Variants in SH3PXD2B observed in about 807,000 individuals in gnomAD.
SH3PXD2B encodes SH3 and PX domains 2B.
SH3PXD2B carries 37 observed loss-of-function variants against 73.1 expected under a neutral mutation model. That is an observed-to-expected ratio of 0.51 (90% CI 0.39 to 0.67). SH3PXD2B has a LOEUF of 0.67. SH3PXD2B is among the 30% of genes least tolerant of loss of function. The probability of loss-of-function intolerance (pLI) is 0.00; values close to 1 mark genes in which losing one functional copy is unlikely to be tolerated. For missense variants in SH3PXD2B, 1,053 were observed against 1,197.8 expected (o/e 0.88, Z 1.78); for synonymous variants, 457 against 480.5 (o/e 0.95, Z 0.64).
At chr5:172,401,745 A>C (rs1294084589) in intron 3 of SH3PXD2B, among the ~76,000 whole-genome samples, 3 of 152,238 alleles carry the variant, frequency 2.0e-5, no homozygotes, top group African/African-American at 7.2e-5. Context: ...CTTTACTGCA[A>C]TCTCTGAACA....
intron 1 of SH3PXD2B, among the ~76,000 whole-genome samples, chr5:172,427,330 G>A (rs995327026): frequency 1.9e-4 from 29 of 152,196 alleles, no homozygotes; most frequent in African/African-American, 7.0e-4. Flanking sequence ...TGCCAGAATG[G>A]GTAGAATGGG....
intron 1 of SH3PXD2B, among the ~76,000 whole-genome samples, chr5:172,444,847 T>G (rs1261240986): frequency 6.6e-6 from 1 of 152,156 alleles, no homozygotes; most frequent in East Asian, 1.9e-4. Flanking sequence ...AGCCCTGGCC[T>G]CAGCCTTCGT....
intron 1 of SH3PXD2B, among the ~76,000 whole-genome samples, chr5:172,427,631 G>A (rs886937944): frequency 1.1e-4 from 17 of 152,080 alleles, no homozygotes; most frequent in Admixed American, 8.5e-4. Flanking sequence ...GATTACAGCC[G>A]TGAGCCACCA....
intron 4 of SH3PXD2B, among the ~76,000 whole-genome samples, chr5:172,389,963 C>T (rs1373640109): frequency 6.6e-6 from 1 of 152,134 alleles, no homozygotes; most frequent in South Asian, 2.1e-4. Flanking sequence ...AGCAGTCTTC[C>T]CACCTTAGCC....
intron 12 of SH3PXD2B, among the ~76,000 whole-genome samples, chr5:172,343,844 A>G (rs1465437560): frequency 6.6e-6 from 1 of 151,462 alleles, no homozygotes; most frequent in Non-Finnish European, 1.5e-5. Flanking sequence ...GGGGAAAGAA[A>G]AGAGTGTGGG....
intron 6 of SH3PXD2B, among the ~76,000 whole-genome samples, chr5:172,365,344 G>A (rs1337513470): frequency 6.6e-6 from 1 of 152,210 alleles, no homozygotes; most frequent in Non-Finnish European, 1.5e-5. Flanking sequence ...GCTCAGAGAT[G>A]TTAAGTGACT....
chr5:172,358,346 C>A (rs1757325265), intron 8 of SH3PXD2B, among the ~76,000 whole-genome samples: 1 of 152,186 alleles, frequency 6.6e-6, no homozygotes, highest in Non-Finnish European at 1.5e-5. Context: ...GGAGGGGGAC[C>A]CCTGGTCAGG....
chr5:172,341,969 A>G (rs1756862356), intron 12 of SH3PXD2B, among the ~76,000 whole-genome samples: 1 of 152,026 alleles, frequency 6.6e-6, no homozygotes, highest in African/African-American at 2.4e-5. Flanking sequence ...GTATTTCTTT[A>G]TAGCAATGCA....
rs1310579704 is a variant in SH3PXD2B, at chr5:172,333,529, CTTTT to C, written c.*4836_*4839del. On this transcript the variant is annotated 3_prime_UTR_variant, in exon 13 of 13. Coordinates refer to ENST00000311601, the MANE Select transcript of SH3PXD2B (RefSeq NM_001017995.3). ...GATGAAGCTTGAAACCAGTCAAGCA[CTTTT>C]TTTATTTAAAAAAAAAAAAAGGAAA... 3.8e-4 allele frequency: 431 copies of C among 1,139,410 alleles called. 2 individuals carry two copies. The African/African-American group carries it at 7.5e-3, about 20-fold the overall frequency. The allele number at this position is 1,139,410 out of a possible 1,614,324, so 70.6% of individuals were successfully genotyped here. A position where few individuals can be genotyped will look rare whatever the true frequency, so the allele number is the denominator to read the frequency against.
intron 10 of SH3PXD2B, among the ~76,000 whole-genome samples, chr5:172,348,657 ATCTATCTATCT>A (rs1757063395): frequency 2.7e-5 from 1 of 37,426 alleles, no homozygotes; most frequent in African/African-American, 8.0e-5. Context: ...TATCTATCCT[ATCTATCTATCT>A]ATCTATCTAT....
intron 1 of SH3PXD2B, among the ~76,000 whole-genome samples, chr5:172,446,443 T>A (rs761951877): frequency 6.6e-6 from 1 of 152,168 alleles, no homozygotes; most frequent in Non-Finnish European, 1.5e-5. Flanking sequence ...ACAGCTGGCT[T>A]CATCGCCAAG....
intron 6 of SH3PXD2B, among the ~76,000 whole-genome samples, chr5:172,369,495 C>T (rs112526452): frequency 6.5e-4 from 99 of 152,138 alleles, no homozygotes; most frequent in Non-Finnish European, 1.1e-3. Flanking sequence ...CTTTGCCGGG[C>T]GCAGTGGCTC....
chr5:172,344,829 T>C (rs1033558443), intron 12 of SH3PXD2B, among the ~76,000 whole-genome samples: 5 of 152,108 alleles, frequency 3.3e-5, no homozygotes, highest in African/African-American at 9.7e-5. Flanking sequence ...GATGCAGAAC[T>C]AGCCTCTCGA....
intron 6 of SH3PXD2B, among the ~76,000 whole-genome samples, chr5:172,370,910 C>T (rs771987234): frequency 3.9e-5 from 6 of 152,176 alleles, no homozygotes; most frequent in East Asian, 3.9e-4. Flanking sequence ...CTAAATGTTG[C>T]GGCAGGCAAC....
intron 8 of SH3PXD2B, among the ~76,000 whole-genome samples, chr5:172,354,644 A>T (rs1757232693): frequency 6.6e-6 from 1 of 152,276 alleles, no homozygotes; most frequent in South Asian, 2.1e-4. Context: ...GAGAAGCTGA[A>T]CTTTGGCAGT....
At chr5:172,448,554 C>T (rs1389127591) in intron 1 of SH3PXD2B, among the ~76,000 whole-genome samples, 3 of 152,194 alleles carry the variant, frequency 2.0e-5, no homozygotes, top group African/African-American at 7.2e-5. Flanking sequence ...AAGGTCACCC[C>T]GCTCAGGAGC....
At chr5:172,449,509 T>C (rs1478505851) in intron 1 of SH3PXD2B, among the ~76,000 whole-genome samples, 1 of 152,120 alleles carries the variant, frequency 6.6e-6, no homozygotes, top group Non-Finnish European at 1.5e-5. Flanking sequence ...AGGATTAGTA[T>C]CCCAAATGTA....
In SH3PXD2B at chr5:172,343,553, C is replaced by T. The variant is rs558469931; in HGVS notation, c.1188+2583G>A. On this transcript the variant is annotated intron_variant, in intron 12 of 12. Coordinates refer to ENST00000311601, the MANE Select transcript of SH3PXD2B (RefSeq NM_001017995.3). ...CGGTGGCTCACGCCTGCAATTCCAC[C>T]GCTTTGGGAGGCTTAGGCGGGCGGA... Among the ~76,000 whole-genome samples the T allele has an allele frequency of 5.3e-5, 8 of 152,220 alleles. No homozygotes were observed. In the South Asian group the frequency reaches 8.3e-4, roughly 16 times the overall value.
chr5:172,358,866 C>T lies in SH3PXD2B; in HGVS notation c.574G>A (p.Val192Ile), dbSNP rs763810720. Reference sequence around the variant, plus strand: ...CAGCCTTGCTCCTCGGCAGTGCTGACGAACCACCAACCTGGGGAAGCAAGA... The same window carrying T: ...CAGCCTTGCTCCTCGGCAGTGCTGATGAACCACCAACCTGGGGAAGCAAGA... ...IEKNESGWWFVSTAEEQGWVP... is the reference protein window; with the variant it reads ...IEKNESGWWFISTAEEQGWVP... The change falls in exon 8 of 13, where the codon GTC (valine) becomes ATC (isoleucine). Residue 192 changes from valine to isoleucine, a missense_variant. Val to Ile is a conservative substitution (Grantham distance 29, BLOSUM62 3). Coordinates refer to ENST00000311601, the MANE Select transcript of SH3PXD2B (RefSeq NM_001017995.3). 37 of 1,613,786 alleles carry T rather than the reference C, an allele frequency of 2.3e-5. No homozygotes were observed. The highest frequency in any genetic ancestry group is 3.3e-4 in the Middle Eastern group (2 of 6,084).
Sources: allele counts gnomAD v4.1 joint callset (sites outside exome capture counted in the v4.1 genomes callset), GRCh38; gene constraint gnomAD v4.1.1; transcripts MANE v1.5; gene names NCBI Gene and HGNC (gene_info 2026-07-23, HGNC 2026-07-21).